The following PPIP5K2 variants were observed in gnomAD, a reference collection of about 807,000 sequenced individuals.
PPIP5K2 encodes diphosphoinositol pentakisphosphate kinase 2.
A neutral mutation model predicts 154.6 loss-of-function variants in PPIP5K2; 105 were observed. That is an observed-to-expected ratio of 0.68 (90% confidence interval 0.58 to 0.80). PPIP5K2 has a LOEUF of 0.80. Among genes scored for constraint, PPIP5K2 ranks in the 30% least tolerant of loss-of-function variants. PPIP5K2 has a pLI of 0.00. For synonymous variants in PPIP5K2, 480 were observed against 490.3 expected (o/e 0.98, Z 0.28); for missense variants, 992 against 1,504.6 (o/e 0.66, Z 5.64).
At position 103,203,093 on chromosome 5, in the gene PPIP5K2, T is replaced by G. The variant is rs17297682; in HGVS notation, c.*1459T>G. On this transcript the variant is annotated 3_prime_UTR_variant, in exon 31 of 31. Transcript: ENST00000358359. Reference sequence around the variant, plus strand: ...TATGGAGACATGTCTTGTAAACAGTTGAATGTATGTAAGTTTTCTGTTTGT... The same window carrying G: ...TATGGAGACATGTCTTGTAAACAGTGGAATGTATGTAAGTTTTCTGTTTGT... The G allele has an allele frequency of 3.0e-3, 459 of 152,686 alleles. 2 individuals are homozygous for G. Among genetic ancestry groups the G allele is most frequent in the Non-Finnish European group, 4.6e-3 (310 of 67,986 alleles). The allele number at this position is 152,686 out of a possible 1,614,324, so 9.5% of individuals were successfully genotyped here. A position where few individuals can be genotyped will look rare whatever the true frequency, so the allele number is the denominator to read the frequency against.
intron 20 of PPIP5K2, among the ~76,000 whole-genome samples, chr5:103,173,625 C>A (rs781995389): frequency 1.4e-4 from 21 of 151,854 alleles, no homozygotes; most frequent in Admixed American, 5.3e-4. Context: ...GTGTACTTGA[C>A]TAATATTAAG....
chr5:103,136,888 C>G, intron 4 of PPIP5K2, 66 bp downstream of exon 4: 3 of 1,108,380 alleles, frequency 2.7e-6, no homozygotes, highest in South Asian at 1.3e-5. Context: ...CTACTGTACA[C>G]TGACATGGCA....
chr5:103,124,234 C>T (rs1469992370), intron 1 of PPIP5K2, among the ~76,000 whole-genome samples: 1 of 147,930 alleles, frequency 6.8e-6, no homozygotes, highest in African/African-American at 2.5e-5. Flanking sequence ...GAGCCGAGAT[C>T]GTGCCACTGC....
intron 5 of PPIP5K2, among the ~76,000 whole-genome samples, chr5:103,141,056 G>A (rs1188179824): frequency 1.3e-5 from 2 of 151,954 alleles, no homozygotes; most frequent in East Asian, 1.9e-4. Flanking sequence ...CATCTGGGCC[G>A]GGTGCAGTGG....
intron 3 of PPIP5K2, 58 bp from the exon 4 acceptor site, chr5:103,136,674 A>G (rs1791557197): frequency 7.4e-7 from 1 of 1,352,024 alleles, no homozygotes; most frequent in Non-Finnish European, 1.1e-6. Flanking sequence ...TCAAGTTAAT[A>G]AAGTATAGAT....
intron 14 of PPIP5K2, among the ~76,000 whole-genome samples, chr5:103,157,657 G>A (rs1037253826): frequency 1.3e-5 from 2 of 151,016 alleles, no homozygotes; most frequent in East Asian, 1.9e-4. Context: ...AGCCAAGATC[G>A]TGCCATTGCA....
At chr5:103,171,430 G>A (rs1222072224) in intron 19 of PPIP5K2, among the ~76,000 whole-genome samples, 1 of 151,464 alleles carries the variant, frequency 6.6e-6, no homozygotes, top group Non-Finnish European at 1.5e-5. Context: ...ACAGTTCAAT[G>A]ACATTCTCAT....
At chr5:103,141,771 C>T (rs1792717362) in intron 5 of PPIP5K2, among the ~76,000 whole-genome samples, 1 of 151,680 alleles carries the variant, frequency 6.6e-6, no homozygotes, top group African/African-American at 2.4e-5. Flanking sequence ...ATACAGAGTG[C>T]CGATTGGAGT....
At chr5:103,159,476 A>C in intron 17 of PPIP5K2, 148 bp downstream of exon 17, 1 of 728,536 alleles carries the variant, frequency 1.4e-6, no homozygotes. Flanking sequence ...ACATTGGAAC[A>C]ACTTTGGCTT....
At position 103,201,691 on chromosome 5, in the gene PPIP5K2, T is replaced by A; in HGVS notation, c.*57T>A. 8.2e-7 allele frequency: 1 copy of A among 1,214,040 alleles called. No individual in the cohort carries two copies. Among genetic ancestry groups the A allele is most frequent in the Non-Finnish European group, 1.2e-6 (1 of 860,604 alleles). 75.2% of individuals were successfully genotyped at this position (1,214,040 alleles called of 1,614,324 possible). ...TATAAAAATAGTATGTTCTTATGTT[T>A]CTCCTTATGCATTTATGTGTTCACT... On this transcript the variant is annotated 3_prime_UTR_variant, in exon 31 of 31. Coordinates refer to ENST00000358359, the MANE Select transcript of PPIP5K2 (RefSeq NM_001276277.3).
Position 103,201,527 on chromosome 5 carries a change from A to G in PPIP5K2, c.3625A>G (p.Ser1209Gly). 6.3e-7 allele frequency: 1 copy of G among 1,579,796 alleles called. No individual in the cohort carries two copies. Among genetic ancestry groups the G allele is most frequent in the Admixed American group, 1.9e-5 (1 of 52,090 alleles). The change falls in exon 31 of 31, where the codon AGT (serine) becomes GGT (glycine). Residue 1209 changes from serine to glycine, a missense_variant. Coordinates refer to ENST00000358359, the MANE Select transcript of PPIP5K2 (RefSeq NM_001276277.3). Reference sequence around the variant, plus strand: ...TTTGTTTTTGTTTTATGTAGCTACAAGTGGACCTTCTAGTGCAGTTGTTCC... The same window carrying G: ...TTTGTTTTTGTTTTATGTAGCTACAGGTGGACCTTCTAGTGCAGTTGTTCC... ...STKASSKPAT[S>G]GPSSAVVPNT...
rs1398427767 is a variant in PPIP5K2 at position 103,206,449 on chromosome 5, C to G, written c.*4815C>G. ...AACTTCTTTGATCATCTACTCACCCCTAGATAAATAGAATACTCCAGGAGA... is the reference window on the plus strand; with the variant it reads ...AACTTCTTTGATCATCTACTCACCCGTAGATAAATAGAATACTCCAGGAGA... On this transcript the variant is annotated 3_prime_UTR_variant, in exon 31 of 31. Coordinates refer to ENST00000358359, the MANE Select transcript of PPIP5K2 (RefSeq NM_001276277.3). The G allele has an allele frequency of 6.6e-6, 1 of 152,132 alleles. No homozygotes were observed. Among genetic ancestry groups the G allele is most frequent in the Non-Finnish European group, 1.5e-5 (1 of 68,030 alleles). The allele number at this position is 152,132 out of a possible 1,614,324, so 9.4% of individuals were successfully genotyped here.
In PPIP5K2 at chr5:103,136,739, A is replaced by T; in HGVS notation, c.318A>T (p.Pro106=). ...CLISFHSKGF[P]LDKAVAYAKL... The stretch of plus-strand genomic sequence containing the variant: ...AATAATATGTGTTCTTAGGATTTCC[A>T]CTGGACAAAGCGGTTGCCTATGCAA... The change falls in exon 4 of 31, where the codon CCA becomes CCT. Residue 106 remains proline (P), a synonymous_variant. Coordinates refer to ENST00000358359, the MANE Select transcript of PPIP5K2 (RefSeq NM_001276277.3). The T allele has an allele frequency of 6.2e-7, 1 of 1,611,710 alleles. No individual in the cohort carries two copies. Among genetic ancestry groups the T allele is most frequent in the South Asian group, 1.1e-5 (1 of 91,028 alleles).
Position 103,207,734 on chromosome 5 carries a change from G to A in PPIP5K2, c.*6100G>A, listed in dbSNP as rs948772867. ...AGCTTATGTTGCATTTCCTTTGGTT[G>A]TTTTGCTATGGTGTTTCTGATCAAC... On this transcript the variant is annotated 3_prime_UTR_variant, in exon 31 of 31. Transcript: ENST00000358359. The A allele has an allele frequency of 1.3e-5, 2 of 151,856 alleles. No individual in the cohort carries two copies. Among genetic ancestry groups the A allele is most frequent in the Admixed American group, 6.6e-5 (1 of 15,232 alleles). The allele number at this position is 151,856 out of a possible 1,614,324, so 9.4% of individuals were successfully genotyped here.
In PPIP5K2 at chr5:103,191,196, AAAAC is replaced by A. The variant is rs1315895095; in HGVS notation, c.3493+218_3493+221del. The stretch of plus-strand genomic sequence containing the variant: ...CAAAATCTTTTCTTCTTACCAAAAA[AAAAC>A]AAAAAACAAAAAACCAATAGCAGTA... On this transcript the variant is annotated intron_variant, in intron 29 of 30. Coordinates refer to ENST00000358359, the MANE Select transcript of PPIP5K2 (RefSeq NM_001276277.3). 5 of 376,666 alleles carry A rather than the reference AAAAC, an allele frequency of 1.3e-5. No homozygotes were observed. The East Asian group carries it at 2.1e-4, about 16-fold the overall frequency. 23.3% of individuals were successfully genotyped at this position (376,666 alleles called of 1,614,324 possible).
In PPIP5K2 at chr5:103,209,942, A is replaced by G. The variant is rs937033114; in HGVS notation, c.*8308A>G. 5.9e-5 allele frequency: 9 copies of G among 152,186 alleles called. No individual in the cohort carries two copies. The highest frequency in any genetic ancestry group is 1.7e-4 in the African/African-American group (7 of 41,448). 9.4% of individuals were successfully genotyped at this position (152,186 alleles called of 1,614,324 possible). ...CATAGATATGCTGATTTGTCCAACA[A>G]TGCCTGTACTCAAAAGTCATGACAA... On this transcript the variant is annotated 3_prime_UTR_variant, in exon 31 of 31. Transcript: ENST00000358359.
intron 2 of PPIP5K2, among the ~76,000 whole-genome samples, chr5:103,130,559 G>A (rs1256730110): frequency 6.6e-6 from 1 of 152,062 alleles, no homozygotes; most frequent in Admixed American, 6.5e-5. Context: ...TTTCACAGTG[G>A]AGTTACACAT....
chr5:103,167,969 T>G, intron 18 of PPIP5K2, 103 bp from the exon 19 acceptor site: 1 of 697,716 alleles, frequency 1.4e-6, no homozygotes, highest in Non-Finnish European at 2.3e-6. Context: ...TTCATACAGT[T>G]GTATTTTTGA....
At position 103,212,604 on chromosome 5, in the gene PPIP5K2, A is replaced by G. The variant is rs1053416071; in HGVS notation, c.*10970A>G. On this transcript the variant is annotated 3_prime_UTR_variant, in exon 31 of 31. Transcript: ENST00000358359. ...ATAAACTGCTGGAAATAAGGATGCT[A>G]TTTAATAGACTCTCTTAGATTTTTC... is the stretch of plus-strand genomic sequence containing the variant. 1 of 152,188 alleles carries G rather than the reference A, an allele frequency of 6.6e-6. No individual in the cohort carries two copies. The highest frequency in any genetic ancestry group is 1.5e-5 in the Non-Finnish European group (1 of 67,994). The allele number at this position is 152,188 out of a possible 1,614,324, so 9.4% of individuals were successfully genotyped here. A position where few individuals can be genotyped will look rare whatever the true frequency, so the allele number is the denominator to read the frequency against.
Sources: gnomAD v4.1 joint callset for allele counts (sites outside exome capture counted in the v4.1 genomes callset) on GRCh38, gnomAD v4.1.1 for gene constraint, MANE v1.5 for transcripts, NCBI Gene and HGNC (gene_info 2026-07-23, HGNC 2026-07-21) for gene names.